Variants in ARHGEF9 observed in about 807,000 individuals in gnomAD.
ARHGEF9 encodes rho guanine nucleotide exchange factor 9.
Under a neutral mutation model 41.3 loss-of-function variants are expected in ARHGEF9, and 2 were observed. That is an observed-to-expected ratio of 0.05 (90% CI 0.02 to 0.15). The LOEUF is 0.15. Ranked by LOEUF, ARHGEF9 falls within the 10% of genes least tolerant of loss-of-function variation. The probability of loss-of-function intolerance (pLI) is 1.00; values close to 1 mark genes in which losing one functional copy is unlikely to be tolerated. For synonymous variants in ARHGEF9, 160 were observed against 154.4 expected (o/e 1.04, Z -0.27); for missense variants, 225 against 424.7 (o/e 0.53, Z 4.13).
rs2047349267 is a variant in ARHGEF9, at chrX:63,637,165, C to T, written c.*863G>A. The T allele has an allele frequency of 3.4e-6, 1 of 295,517 alleles. No homozygotes were observed. The highest frequency in any genetic ancestry group is 6.2e-5 in the Admixed American group (1 of 16,183). 24.4% of individuals were successfully genotyped at this position (295,517 alleles called of 1,213,427 possible). A position where few individuals can be genotyped will look rare whatever the true frequency, so the allele number is the denominator to read the frequency against. ...CTCCTAGATGCAAAATTGCAACGAC[C>T]CAGAAGTGCTGCAACATGGGAAACC... On this transcript the variant is annotated 3_prime_UTR_variant, in exon 10 of 10. Coordinates refer to ENST00000671741, the MANE Select transcript of ARHGEF9 (RefSeq NM_001353921.2).
chrX:63,705,357 ATGTGTGTGTGTGTGTGTGTGTG>A (rs58549005), intron 3 of ARHGEF9, among the ~76,000 whole-genome samples: 4 of 82,095 alleles, frequency 4.9e-5, no homozygotes, highest in Admixed American at 4.2e-4. Flanking sequence ...ATAAGAGAGA[ATGTGTGTGTGTGTGTGTGTGTG>A]TGTGTGTGTG....
chrX:63,683,804 C>G (rs1256590261), intron 4 of ARHGEF9, among the ~76,000 whole-genome samples: 5 of 110,968 alleles, frequency 4.5e-5, no homozygotes, highest in Non-Finnish European at 1.9e-5. Flanking sequence ...TGCAAAAGAA[C>G]AAAATTGGGC....
At chrX:63,663,195 C>T (rs1251176133) in intron 7 of ARHGEF9, among the ~76,000 whole-genome samples, 1 of 111,432 alleles carries the variant, frequency 9.0e-6, no homozygotes, top group Non-Finnish European at 1.9e-5. Flanking sequence ...AATTTATATT[C>T]CCCTGTTATC....
chrX:63,645,471 G>A (rs1332274263), intron 8 of ARHGEF9, among the ~76,000 whole-genome samples: 2 of 111,132 alleles, frequency 1.8e-5, no homozygotes, highest in African/African-American at 6.6e-5. Flanking sequence ...GAGCGAGAAC[G>A]TGCGGCGTTT....
At chrX:63,641,371 A>AG (rs2047623188) in intron 9 of ARHGEF9, 1 of 109,122 alleles carries the variant, frequency 9.2e-6, no homozygotes, top group African/African-American at 3.4e-5. Flanking sequence ...AAAAAAAAAA[A>AG]AAGAAAGAAA....
At chrX:63,709,305 C>G (rs193259600) in intron 2 of ARHGEF9, 2 of 111,916 alleles carry the variant, frequency 1.8e-5, no homozygotes, top group East Asian at 5.6e-4. Context: ...CGAAGCAAGG[C>G]TGATTAATGC....
intron 2 of ARHGEF9, 77 bp from the exon 3 acceptor site, chrX:63,706,526 G>A (rs1357459729): frequency 5.0e-5 from 52 of 1,049,136 alleles, no homozygotes; most frequent in Non-Finnish European, 6.6e-5. Context: ...GAAAAAGGAT[G>A]AACTGAACTT....
intron 1 of ARHGEF9, chrX:63,767,236 C>T (rs1383811896): frequency 1.1e-4 from 61 of 574,859 alleles, no homozygotes; most frequent in Middle Eastern, 5.3e-4. Flanking sequence ...CTAAACAATA[C>T]GTGGATGGAA....
At chrX:63,703,675 C>T (rs1462617658) in intron 3 of ARHGEF9, among the ~76,000 whole-genome samples, 1 of 111,368 alleles carries the variant, frequency 9.0e-6, no homozygotes, top group African/African-American at 3.3e-5. Context: ...AAGTACATTC[C>T]AGTAGAGGAG....
intron 1 of ARHGEF9, chrX:63,755,194 A>C (rs2055888260): frequency 1.1e-6 from 1 of 937,206 alleles, no homozygotes; most frequent in South Asian, 5.9e-5. Context: ...GCGCGGCCAG[A>C]GCCACTGACA....
At chrX:63,691,949 T>C (rs1556381926) in intron 4 of ARHGEF9, among the ~76,000 whole-genome samples, 1 of 111,615 alleles carries the variant, frequency 9.0e-6, no homozygotes, top group Non-Finnish European at 1.9e-5. Flanking sequence ...AGAACACATA[T>C]TGGAGAAAGG....
chrX:63,666,231 A>C (rs1320750979), intron 6 of ARHGEF9, among the ~76,000 whole-genome samples: 1 of 106,792 alleles, frequency 9.4e-6, no homozygotes, highest in Non-Finnish European at 1.9e-5. Flanking sequence ...CCCAAGGCCA[A>C]ATGTGCCCTG....
At chrX:63,703,015 A>C (rs1245542946) in intron 3 of ARHGEF9, among the ~76,000 whole-genome samples, 2 of 111,760 alleles carry the variant, frequency 1.8e-5, no homozygotes, top group East Asian at 5.6e-4. Flanking sequence ...CTTTCTGATA[A>C]ACCATTCGCT....
At chrX:63,676,558 C>T (rs781795984) in intron 5 of ARHGEF9, among the ~76,000 whole-genome samples, 1 of 112,172 alleles carries the variant, frequency 8.9e-6, no homozygotes, top group African/African-American at 3.2e-5. Flanking sequence ...TGTGACATCA[C>T]CGAAGTTTCT....
At chrX:63,642,934 T>C (rs782110051) in intron 9 of ARHGEF9, 1 of 112,037 alleles carries the variant, frequency 8.9e-6, no homozygotes, top group Admixed American at 9.5e-5. Context: ...GAGAAAGCAG[T>C]GGACTCTGAG....
In ARHGEF9 at chrX:63,645,884, C is replaced by G. The variant is rs560171614; in HGVS notation, c.1322-1836G>C. Among the ~76,000 whole-genome samples the G allele has an allele frequency of 9.5e-4, 106 of 111,826 alleles. No homozygotes were observed. The South Asian group carries it at 0.032, about 34-fold the overall frequency. ...TTCCTATTTCTCCACATCCTCTCCA[C>G]CACCTGTTGTTTCCTGACTTTTTAA... On this transcript the variant is annotated intron_variant, in intron 8 of 9. Coordinates refer to ENST00000671741, the MANE Select transcript of ARHGEF9 (RefSeq NM_001353921.2).
chrX:63,718,283 ACT>A lies in ARHGEF9; in HGVS notation c.210+6247_210+6248del, dbSNP rs782270042. Reference sequence around the variant, plus strand: ...GAGCCATGTAAAGATAAGTGGTTTCACTCTTACTCATAATGATAAATATACTG... The same window carrying A: ...GAGCCATGTAAAGATAAGTGGTTTCACTTACTCATAATGATAAATATACTG... On this transcript the variant is annotated intron_variant, in intron 2 of 9. Transcript: ENST00000671741. 1.5e-4 allele frequency among the ~76,000 whole-genome samples: 17 copies of A among 111,367 alleles called. No homozygotes were observed. In the East Asian group the frequency reaches 4.5e-3, roughly 30 times the overall value.
chrX:63,702,984 C>G (rs2052287015), intron 3 of ARHGEF9, among the ~76,000 whole-genome samples: 1 of 111,961 alleles, frequency 8.9e-6, no homozygotes, highest in East Asian at 2.8e-4. Flanking sequence ...ACCCAGCACT[C>G]CCAATTCTGA....
intron 8 of ARHGEF9, among the ~76,000 whole-genome samples, chrX:63,654,644 A>G (rs1392489313): frequency 1.8e-5 from 2 of 111,967 alleles, no homozygotes; most frequent in African/African-American, 6.5e-5. Flanking sequence ...CCAGGATTCA[A>G]TGAGTAGGCC....
Sources: gnomAD v4.1 joint callset for allele counts (sites outside exome capture counted in the v4.1 genomes callset) on GRCh38, gnomAD v4.1.1 for gene constraint, MANE v1.5 for transcripts, NCBI Gene and HGNC (gene_info 2026-07-23, HGNC 2026-07-21) for gene names.